PUM1: variants seen among roughly 807,000 people sequenced by gnomAD.
PUM1 encodes pumilio RNA binding family member 1, also known as pumilio homolog 1.
A neutral mutation model predicts 131.8 loss-of-function variants in PUM1; 13 were observed. The ratio of observed to expected loss-of-function variants is 0.10; its 90% confidence interval spans 0.06 to 0.16. PUM1 has a LOEUF of 0.16. Ranked by LOEUF, PUM1 falls within the 10% of genes least tolerant of loss-of-function variation. The probability of loss-of-function intolerance (pLI) is 1.00; values close to 1 mark genes in which losing one functional copy is unlikely to be tolerated. For synonymous variants in PUM1, 509 were observed against 556.5 expected (o/e 0.91, Z 1.20); for missense variants, 961 against 1,512.4 (o/e 0.64, Z 6.05).
At chr1:31,059,871 A>G (rs1644328853) in intron 1 of PUM1, among the ~76,000 whole-genome samples, 1 of 150,884 alleles carries the variant, frequency 6.6e-6, no homozygotes, top group African/African-American at 2.4e-5. Flanking sequence ...TTGAGACAAG[A>G]GTTTTGCCCC....
chr1:31,031,577 T>C lies in PUM1; in HGVS notation c.364-2713A>G, dbSNP rs548105703. On this transcript the variant is annotated intron_variant, in intron 2 of 21. Coordinates refer to ENST00000426105, the MANE Select transcript of PUM1 (RefSeq NM_001020658.2). ...CAGGATCTTAATCCAAGTCTTCCCA[T>C]TTAAAGTTCAAGGCCCTTTCTGTAC... Among the ~76,000 whole-genome samples the C allele has an allele frequency of 7.9e-5, 12 of 152,354 alleles. No individual in the cohort carries two copies. In the South Asian group the frequency reaches 2.3e-3, roughly 29 times the overall value.
intron 3 of PUM1, among the ~76,000 whole-genome samples, chr1:31,018,483 C>T (rs558835024): frequency 2.6e-5 from 4 of 152,018 alleles, no homozygotes; most frequent in African/African-American, 9.6e-5. Flanking sequence ...GTGGTGAAAC[C>T]CCGTCTCTAC....
intron 1 of PUM1, among the ~76,000 whole-genome samples, chr1:31,064,257 A>G (rs539110175): frequency 6.6e-6 from 1 of 152,318 alleles, no homozygotes; most frequent in South Asian, 2.1e-4. Context: ...TTCATTTTAA[A>G]CCTAAACTAA....
chr1:31,001,108 C>T (rs888095871), intron 5 of PUM1, among the ~76,000 whole-genome samples: 11 of 152,068 alleles, frequency 7.2e-5, no homozygotes, highest in Admixed American at 3.3e-4. Flanking sequence ...GGCATGAACC[C>T]GGGAGGCGGA....
chr1:30,937,894 C>G (rs1291060501), intron 20 of PUM1, among the ~76,000 whole-genome samples: 1 of 152,034 alleles, frequency 6.6e-6, no homozygotes, highest in African/African-American at 2.4e-5. Flanking sequence ...GCCTCAGCCT[C>G]CCGAGCACCT....
At chr1:31,018,501 A>G (rs928016426) in intron 3 of PUM1, among the ~76,000 whole-genome samples, 1 of 151,920 alleles carries the variant, frequency 6.6e-6, no homozygotes, top group Non-Finnish European at 1.5e-5. Flanking sequence ...TACTAAAAAT[A>G]CAAAAAATTA....
intron 2 of PUM1, among the ~76,000 whole-genome samples, chr1:31,057,652 GA>G (rs1644273433): frequency 6.7e-6 from 1 of 150,138 alleles, no homozygotes; most frequent in African/African-American, 2.5e-5. Context: ...TTAAACCTGG[GA>G]GGGGGAGGTT....
At chr1:31,038,974 ATATATATATAT>A (rs1643713981) in intron 2 of PUM1, among the ~76,000 whole-genome samples, 2 of 30,698 alleles carry the variant, frequency 6.5e-5, no homozygotes, top group Non-Finnish European at 1.0e-4. Flanking sequence ...ATATATATAT[ATATATATATAT>A]TTTTTTTTTT....
intron 7 of PUM1, among the ~76,000 whole-genome samples, chr1:30,991,695 C>T (rs1570223891): frequency 6.6e-6 from 1 of 152,298 alleles, no homozygotes; most frequent in East Asian, 1.9e-4. Flanking sequence ...TTTTGTAGTT[C>T]AGACAGCTGA....
At chr1:31,041,062 G>A (rs947839496) in intron 2 of PUM1, among the ~76,000 whole-genome samples, 10 of 152,054 alleles carry the variant, frequency 6.6e-5, no homozygotes, top group African/African-American at 2.2e-4. Context: ...GTATAATCTC[G>A]GAACTATTGT....
intron 20 of PUM1, among the ~76,000 whole-genome samples, chr1:30,938,639 T>C (rs1157564005): frequency 6.6e-6 from 1 of 152,076 alleles, no homozygotes; most frequent in Non-Finnish European, 1.5e-5. Context: ...CCAAGGCAGA[T>C]GGATCATGAG....
At chr1:30,957,746 C>T (rs1193401142) in intron 14 of PUM1, among the ~76,000 whole-genome samples, 1 of 152,198 alleles carries the variant, frequency 6.6e-6, no homozygotes, top group Non-Finnish European at 1.5e-5. Context: ...CTAATAGATG[C>T]CTAATGGGCA....
At chr1:30,972,817 G>A (rs1378348623) in intron 10 of PUM1, among the ~76,000 whole-genome samples, 3 of 144,966 alleles carry the variant, frequency 2.1e-5, no homozygotes, top group East Asian at 2.1e-4. Flanking sequence ...TGGTGGCTCA[G>A]GCCTACAATC....
chr1:30,950,287 C>G (rs1440636882), intron 16 of PUM1, 26 bp from the exon 17 acceptor site: 1 of 1,601,798 alleles, frequency 6.2e-7, no homozygotes, highest in East Asian at 2.2e-5. Flanking sequence ...GGGTAAACAC[C>G]ATTACTTAAG....
Position 31,059,395 on chromosome 1 carries a change from C to G in PUM1, c.172G>C (p.Ala58Pro), listed in dbSNP as rs1184133066. 5.0e-6 allele frequency: 8 copies of G among 1,614,062 alleles called. No homozygotes were observed. The highest frequency in any genetic ancestry group is 1.7e-5 in the Admixed American group (1 of 59,996). Reference protein sequence around the residue: ...PQPAANQALAAGTHSSPVPGS... With the variant: ...PQPAANQALAPGTHSSPVPGS... ...GGGACAGGGCTGGAGTGAGTCCCAG[C>G]TGCAAGAGCCTGATTTGCAGCTGGT... The change falls in exon 2 of 22, where the codon GCT becomes CCT. Residue 58 changes from alanine (A) to proline (P), a missense_variant. This residue lies in a region of PUM1 where 654 missense variants were observed against 923.9 expected (regional missense o/e 0.71). Transcript: ENST00000426105.
intron 2 of PUM1, among the ~76,000 whole-genome samples, chr1:31,052,282 G>C (rs1644130405): frequency 6.6e-6 from 1 of 152,142 alleles, no homozygotes; most frequent in African/African-American, 2.4e-5. Flanking sequence ...AAAGTGCTGG[G>C]ATTACAGACA....
chr1:31,063,892 T>C (rs924567327), intron 1 of PUM1, among the ~76,000 whole-genome samples: 1 of 152,178 alleles, frequency 6.6e-6, no homozygotes, highest in South Asian at 2.1e-4. Context: ...AATTAACATG[T>C]TATCTTGGGT....
chr1:30,941,364 C>T, intron 19 of PUM1, 92 bp from the exon 20 acceptor site: 1 of 1,326,884 alleles, frequency 7.5e-7, no homozygotes, highest in East Asian at 2.4e-5. Context: ...ACCTGTCTTT[C>T]TTTTACCACC....
chr1:30,958,793 A>C (rs1640279453), intron 14 of PUM1, among the ~76,000 whole-genome samples: 1 of 152,210 alleles, frequency 6.6e-6, no homozygotes, highest in South Asian at 2.1e-4. Flanking sequence ...TTGTTAAGAA[A>C]ATTCATATTT....
Sources: allele counts gnomAD v4.1 joint callset (sites outside exome capture counted in the v4.1 genomes callset), GRCh38; gene constraint gnomAD v4.1.1; regional missense constraint gnomAD v4.1.1; transcripts MANE v1.5; gene names NCBI Gene and HGNC (gene_info 2026-07-23, HGNC 2026-07-21).